The following ALK variants were observed in gnomAD, a reference collection of about 807,000 sequenced individuals.
ALK encodes the protein ALK receptor tyrosine kinase.
ALK carries 74 observed loss-of-function variants against 163.1 expected under a neutral mutation model. The ratio of observed to expected loss-of-function variants is 0.45; its 90% CI spans 0.38 to 0.55. The LOEUF (loss-of-function observed/expected upper bound fraction) is 0.55. Ranked by LOEUF, ALK falls within the 20% of genes least tolerant of loss-of-function variation. The pLI, the probability that ALK is intolerant of heterozygous loss-of-function variation, is 0.00. For missense variants in ALK, 2,063 were observed against 2,105.3 expected (o/e 0.98, Z 0.39); for synonymous variants, 960 against 843.2 (o/e 1.14, Z -2.40).
chr2:29,713,452 T>C (rs1679163789), intron 2 of ALK, among the ~76,000 whole-genome samples: 1 of 152,076 alleles, frequency 6.6e-6, no homozygotes. Flanking sequence ...TTAGAAAGGG[T>C]TGAATTACTT....
At chr2:29,800,586 A>G (rs779491678) in intron 1 of ALK, among the ~76,000 whole-genome samples, 5 of 152,142 alleles carry the variant, frequency 3.3e-5, no homozygotes, top group Non-Finnish European at 7.4e-5. Context: ...AATCATTAGG[A>G]TTAGGGTACC....
At chr2:29,378,187 C>A (rs1223812630) in intron 5 of ALK, among the ~76,000 whole-genome samples, 1 of 152,128 alleles carries the variant, frequency 6.6e-6, no homozygotes, top group Non-Finnish European at 1.5e-5. Context: ...TGCCTCTGAA[C>A]AATCTGAGCT....
chr2:29,590,885 C>A (rs1015109668), intron 3 of ALK, among the ~76,000 whole-genome samples: 4 of 151,694 alleles, frequency 2.6e-5, no homozygotes, highest in African/African-American at 9.7e-5. Context: ...TCTTGGCTAA[C>A]ACGGTGAAAC....
chr2:29,217,186 C>T (rs1669660186), intron 23 of ALK, among the ~76,000 whole-genome samples: 1 of 145,466 alleles, frequency 6.9e-6, no homozygotes, highest in Non-Finnish European at 1.5e-5. Flanking sequence ...GTGTTGTGTA[C>T]ATGTGTGGTG....
chr2:29,900,387 G>C (rs993006911), intron 1 of ALK, among the ~76,000 whole-genome samples: 1 of 152,214 alleles, frequency 6.6e-6, no homozygotes, highest in Non-Finnish European at 1.5e-5. Context: ...ATATCAAGCT[G>C]TCACTTTGTA....
chr2:29,760,259 T>C (rs929482909), intron 1 of ALK, among the ~76,000 whole-genome samples: 1 of 152,136 alleles, frequency 6.6e-6, no homozygotes, highest in African/African-American at 2.4e-5. Context: ...AGCCTATCTG[T>C]AGAGTCTGTT....
intron 4 of ALK, among the ~76,000 whole-genome samples, chr2:29,449,172 C>T (rs1670759505): frequency 6.6e-6 from 1 of 152,138 alleles, no homozygotes; most frequent in Admixed American, 6.5e-5. Context: ...TAAGCAGCTA[C>T]TAAGTGCCAG....
chr2:29,879,246 G>T (rs1666797326), intron 1 of ALK, among the ~76,000 whole-genome samples: 1 of 152,166 alleles, frequency 6.6e-6, no homozygotes, highest in African/African-American at 2.4e-5. Context: ...AAAGAATTTG[G>T]CTTGGAAAAC....
intron 28 of ALK, among the ~76,000 whole-genome samples, chr2:29,195,052 C>A (rs915862125): frequency 6.6e-6 from 1 of 152,114 alleles, no homozygotes; most frequent in African/African-American, 2.4e-5. Flanking sequence ...CAGAAAAACA[C>A]GAGTGTTCGA....
chr2:29,779,454 GA>G (rs1681275067), intron 1 of ALK, among the ~76,000 whole-genome samples: 1 of 152,174 alleles, frequency 6.6e-6, no homozygotes, highest in African/African-American at 2.4e-5. Context: ...GGGGGCTTTA[GA>G]AAAGTAGCTT....
At chr2:29,905,371 C>T (rs1667516000) in intron 1 of ALK, among the ~76,000 whole-genome samples, 1 of 152,202 alleles carries the variant, frequency 6.6e-6, no homozygotes, top group South Asian at 2.1e-4. Flanking sequence ...CTCTGGTTAT[C>T]CAGGCTGTCA....
chr2:29,638,496 A>G (rs1676609413), intron 3 of ALK, among the ~76,000 whole-genome samples: 1 of 106,958 alleles, frequency 9.3e-6, no homozygotes, highest in African/African-American at 3.7e-5. Flanking sequence ...CAATGACCAC[A>G]GGGCAAGGAT....
intron 23 of ALK, among the ~76,000 whole-genome samples, chr2:29,214,570 C>T (rs957904673): frequency 1.3e-5 from 2 of 152,092 alleles, no homozygotes; most frequent in Admixed American, 6.6e-5. Flanking sequence ...CAAGCAGATC[C>T]AGCGCTAAAA....
chr2:29,813,977 GC>G (rs1478522716), intron 1 of ALK, among the ~76,000 whole-genome samples: 10 of 152,136 alleles, frequency 6.6e-5, no homozygotes, highest in African/African-American at 2.4e-4. Context: ...CATCCGAGAG[GC>G]TATCTCTTTA....
chr2:29,468,959 T>C (rs947426000), intron 4 of ALK, among the ~76,000 whole-genome samples: 1 of 152,030 alleles, frequency 6.6e-6, no homozygotes, highest in African/African-American at 2.4e-5. Context: ...TTTTGAACTT[T>C]TGCAATCAGA....
intron 3 of ALK, among the ~76,000 whole-genome samples, chr2:29,625,803 T>C (rs998300422): frequency 1.3e-5 from 2 of 152,180 alleles, no homozygotes; most frequent in Non-Finnish European, 2.9e-5. Context: ...CTGGAGATAC[T>C]GAGAGGAAGT....
In ALK at chr2:29,275,156, T is replaced by A; in HGVS notation, c.1984A>T (p.Lys662Ter). ...GAATTTTCCCCGGGTTTCAGCTCCT[T>A]GTTTGGGTTTCTCTCAAACAGGTTT... is the stretch of plus-strand genomic sequence containing the variant. ...SRNLFERNPN[K>*]ELKPGENSPR... Residue 662 changes from lysine to a stop codon, truncating the protein, a stop_gained, in exon 11 of 29, where the codon AAG (lysine) becomes TAG (stop). Transcript: ENST00000389048. LOFTEE classifies it high-confidence loss of function. The A allele has an allele frequency of 6.2e-7, 1 of 1,614,222 alleles. No homozygotes were observed. The highest frequency in any genetic ancestry group is 8.5e-7 in the Non-Finnish European group (1 of 1,180,038).
intron 4 of ALK, among the ~76,000 whole-genome samples, chr2:29,506,705 C>G (rs1266690189): frequency 1.3e-5 from 2 of 151,880 alleles, no homozygotes; most frequent in African/African-American, 2.4e-5. Context: ...GAGATTGTGC[C>G]ACTGCCCTCC....
rs2148183276 is a variant in ALK at position 29,232,326 on chromosome 2, T to C, written c.2610A>G (p.Leu870=). The C allele has an allele frequency of 6.2e-7, 1 of 1,614,252 alleles. No individual in the cohort carries two copies. Among genetic ancestry groups the C allele is most frequent in the Non-Finnish European group, 8.5e-7 (1 of 1,180,040 alleles). Residue 870 remains leucine, a synonymous_variant, in exon 15 of 29, where the codon CTA becomes CTG. Transcript: ENST00000389048. ...RLENNSSVLG[L]NGNSGAAGGG... is the part of the protein sequence containing the mutation. ...TACCTGCGGCTCCGGAATTGCCGTT[T>C]AGCCCTAGAACCGAGGAGTTATTCT...
Sources: allele counts gnomAD v4.1 joint callset (sites outside exome capture counted in the v4.1 genomes callset), GRCh38; gene constraint gnomAD v4.1.1; transcripts MANE v1.5; gene names NCBI Gene and HGNC (gene_info 2026-07-23, HGNC 2026-07-21).